Variants in VWC2 observed in about 807,000 individuals in gnomAD.
VWC2 encodes the protein von Willebrand factor C domain containing 2, also known as brorin.
Under a neutral mutation model 29.8 loss-of-function variants are expected in VWC2, and 14 were observed. The ratio of observed to expected loss-of-function variants is 0.47; its 90% CI spans 0.31 to 0.74. The LOEUF is 0.74. Ranked by LOEUF, VWC2 falls within the 30% of genes least tolerant of loss-of-function variation. The pLI is 0.05. For missense variants in VWC2, 457 were observed against 459.8 expected, an observed-to-expected ratio of 0.99 and a Z score of 0.05; for synonymous variants, 213 against 199.0, an observed-to-expected ratio of 1.07 and a Z score of -0.59.
chr7:49,911,918 T>TACAGGCACAC, intron 3 of VWC2, 116 bp from the exon 4 acceptor site: 1 of 222,948 alleles, frequency 4.5e-6, no homozygotes, highest in Non-Finnish European at 6.0e-6. Context: ...AACAAACAAA[T>TACAGGCACAC]ACACGCACAC....
At chr7:49,875,968 G>A (rs1362731127) in intron 3 of VWC2, among the ~76,000 whole-genome samples, 1 of 152,158 alleles carries the variant, frequency 6.6e-6, no homozygotes, top group African/African-American at 2.4e-5. Flanking sequence ...AGAAATTGGT[G>A]TTGCATTGTG....
rs2128713420 is a variant in VWC2, at chr7:49,840,679, T to G, written c.826+37839T>G. On this transcript the variant is annotated intron_variant, in intron 3 of 3. Transcript: ENST00000340652. ...TTCCCATATTACTAAGAAAATTGCTTCAGTGCAGCTTCAAAAGCTGTTTGC... is the reference window on the plus strand; with the variant it reads ...TTCCCATATTACTAAGAAAATTGCTGCAGTGCAGCTTCAAAAGCTGTTTGC... Among the ~76,000 whole-genome samples the G allele has an allele frequency of 1.3e-5, 2 of 152,298 alleles. 1 individual carries two copies. Among genetic ancestry groups the G allele is most frequent in the South Asian group, 4.1e-4 (2 of 4,820 alleles).
intron 3 of VWC2, among the ~76,000 whole-genome samples, chr7:49,898,734 A>T (rs990312196): frequency 5.9e-5 from 9 of 152,126 alleles, no homozygotes; most frequent in African/African-American, 2.2e-4. Context: ...TTTTGTTATT[A>T]TAAGATACTC....
chr7:49,776,127 TC>T lies in VWC2; in HGVS notation c.693del (p.Phe231LeufsTer55). 1 of 1,517,112 alleles carries T rather than the reference TC, an allele frequency of 6.6e-7. No homozygotes were observed. Among genetic ancestry groups the T allele is most frequent in the Non-Finnish European group, 8.8e-7 (1 of 1,132,708 alleles). The allele number at this position is 1,517,112 out of a possible 1,614,324, so 94.0% of individuals were successfully genotyped here. On this transcript the variant is annotated frameshift_variant, in exon 2 of 4. Coordinates refer to ENST00000340652, the MANE Select transcript of VWC2 (RefSeq NM_198570.5). LOFTEE classifies it high-confidence loss of function. ...RGKTYQTLEE[F>X]VVSPCERCRC... Reference sequence around the variant, plus strand: ...AAGACCTATCAGACTTTGGAGGAGTTCGTGGTAAGATGCGAACGCCCGCCGG... The same window carrying T: ...AAGACCTATCAGACTTTGGAGGAGTTGTGGTAAGATGCGAACGCCCGCCGG...
chr7:49,911,449 T>C (rs1199697798), intron 3 of VWC2, among the ~76,000 whole-genome samples: 2 of 116,986 alleles, frequency 1.7e-5, no homozygotes, highest in African/African-American at 6.8e-5. Flanking sequence ...GCCACTGCAC[T>C]CCAGCCTGGT....
intron 3 of VWC2, among the ~76,000 whole-genome samples, chr7:49,852,923 G>A (rs1348673664): frequency 6.6e-6 from 1 of 152,196 alleles, no homozygotes; most frequent in Non-Finnish European, 1.5e-5. Context: ...GTAACTACAA[G>A]AATGAGTGTG....
chr7:49,868,910 C>T lies in VWC2; in HGVS notation c.827-43124C>T, dbSNP rs146156585. Among the ~76,000 whole-genome samples the T allele has an allele frequency of 3.2e-3, 484 of 152,348 alleles. 6 individuals are homozygous for T. The highest frequency in any genetic ancestry group is 0.011 in the African/African-American group (451 of 41,590). On this transcript the variant is annotated intron_variant, in intron 3 of 3. Transcript: ENST00000340652. ...CTGGGATTACGGGCATGAGCCACTG[C>T]ACCTGGCCTGGGAGATCTTTAAAAA... is the stretch of plus-strand genomic sequence containing the variant.
chr7:49,846,798 T>C (rs761711053), intron 3 of VWC2, among the ~76,000 whole-genome samples: 4 of 152,218 alleles, frequency 2.6e-5, no homozygotes, highest in Non-Finnish European at 5.9e-5. Flanking sequence ...CCCTCCTTTA[T>C]ACATATGTAA....
chr7:49,829,407 C>T (rs1328283080), intron 3 of VWC2, among the ~76,000 whole-genome samples: 1 of 152,122 alleles, frequency 6.6e-6, no homozygotes, highest in African/African-American at 2.4e-5. Flanking sequence ...AGTCCCAGTT[C>T]TTCAGTGGCC....
At chr7:49,902,406 C>T (rs73336278) in intron 3 of VWC2, among the ~76,000 whole-genome samples, 15 of 151,950 alleles carry the variant, frequency 9.9e-5, no homozygotes, top group Admixed American at 4.6e-4. Flanking sequence ...ATCAGTGGAA[C>T]AGCAGAACAC....
intron 3 of VWC2, among the ~76,000 whole-genome samples, chr7:49,874,848 T>G (rs1388620354): frequency 7.0e-6 from 1 of 143,490 alleles, no homozygotes; most frequent in Non-Finnish European, 1.6e-5. Context: ...CTTCCCTAAT[T>G]CAGAATTCAG....
At chr7:49,845,047 G>A (rs1031359662) in intron 3 of VWC2, among the ~76,000 whole-genome samples, 2 of 151,912 alleles carry the variant, frequency 1.3e-5, no homozygotes, top group South Asian at 2.1e-4. Context: ...AGTTATTTCC[G>A]AATGTTCTCA....
chr7:49,826,862 CT>C (rs201740365), intron 3 of VWC2, among the ~76,000 whole-genome samples: 1 of 151,912 alleles, frequency 6.6e-6, no homozygotes, highest in African/African-American at 2.4e-5. Context: ...TATAAATATA[CT>C]TTTTTTTCCT....
intron 2 of VWC2, among the ~76,000 whole-genome samples, chr7:49,797,789 T>C (rs1788629691): frequency 6.6e-6 from 1 of 152,232 alleles, no homozygotes; most frequent in Non-Finnish European, 1.5e-5. Context: ...AATTTTTCCC[T>C]ACTCCTGGCA....
intron 3 of VWC2, among the ~76,000 whole-genome samples, chr7:49,811,019 T>C (rs993338253): frequency 3.9e-5 from 6 of 152,184 alleles, no homozygotes; most frequent in Non-Finnish European, 7.4e-5. Context: ...TAATAAATTG[T>C]CATCAAAATG....
intron 3 of VWC2, among the ~76,000 whole-genome samples, chr7:49,814,922 AT>A (rs1442794869): frequency 1.3e-4 from 20 of 152,222 alleles, no homozygotes; most frequent in Admixed American, 3.3e-4. Flanking sequence ...ATGGAGGTTG[AT>A]TTCACTCGTG....
chr7:49,804,559 T>G (rs1340304983), intron 3 of VWC2, among the ~76,000 whole-genome samples: 1 of 152,206 alleles, frequency 6.6e-6, no homozygotes, highest in Non-Finnish European at 1.5e-5. Flanking sequence ...ATTTTGATTA[T>G]AGACTAAGTC....
chr7:49,911,169 TCA>T (rs1793399564), intron 3 of VWC2, among the ~76,000 whole-genome samples: 1 of 152,260 alleles, frequency 6.6e-6, no homozygotes, highest in East Asian at 1.9e-4. Flanking sequence ...TTAATGAAAG[TCA>T]CAGTGTTGTC....
chr7:49,788,291 G>A (rs538868827), intron 2 of VWC2, among the ~76,000 whole-genome samples: 4 of 152,324 alleles, frequency 2.6e-5, no homozygotes, highest in South Asian at 2.1e-4. Flanking sequence ...TACAGTTGGG[G>A]GTGCGAGCAG....
Sources: gnomAD v4.1 joint callset for allele counts (sites outside exome capture counted in the v4.1 genomes callset) on GRCh38, gnomAD v4.1.1 for gene constraint, MANE v1.5 for transcripts, NCBI Gene and HGNC (gene_info 2026-07-23, HGNC 2026-07-21) for gene names.